Variants in CADPS2 observed in about 807,000 individuals in gnomAD.
CADPS2 encodes calcium-dependent secretion activator 2.
CADPS2 carries 93 observed loss-of-function variants against 172.5 expected under a neutral mutation model. The ratio of observed to expected loss-of-function variants is 0.54; its 90% CI spans 0.46 to 0.64. The LOEUF (loss-of-function observed/expected upper bound fraction) is 0.64, where lower values mean the gene tolerates loss of function less well. Ranked by LOEUF, CADPS2 falls within the 30% of genes least tolerant of loss-of-function variation. The probability of loss-of-function intolerance (pLI) is 0.00; values close to 1 mark genes in which losing one functional copy is unlikely to be tolerated. For missense variants in CADPS2, 1,420 were observed against 1,565.9 expected (o/e 0.91, Z 1.57); for synonymous variants, 546 against 555.2 (o/e 0.98, Z 0.23).
At chr7:122,447,623 G>T (rs576829750) in intron 15 of CADPS2, among the ~76,000 whole-genome samples, 1 of 137,064 alleles carries the variant, frequency 7.3e-6, no homozygotes, top group South Asian at 2.4e-4. Flanking sequence ...AGGCGATCTC[G>T]GCTCACTGCA....
In CADPS2 at chr7:122,785,164, T is replaced by C. The variant is rs567263072; in HGVS notation, c.340-48096A>G. On this transcript the variant is annotated intron_variant, in intron 1 of 29. Coordinates refer to ENST00000449022, the MANE Select transcript of CADPS2 (RefSeq NM_017954.11). ...GCTTAAAATGTTGTAGGTGCTACAG[T>C]TGAATCTCCCTAGGTATTATACTTT... Among the ~76,000 whole-genome samples the C allele has an allele frequency of 3.9e-5, 6 of 152,320 alleles. No homozygotes were observed. The East Asian group carries it at 1.2e-3, about 29-fold the overall frequency.
At chr7:122,658,770 A>T (rs2080141981) in intron 3 of CADPS2, among the ~76,000 whole-genome samples, 1 of 152,174 alleles carries the variant, frequency 6.6e-6, no homozygotes, top group African/African-American at 2.4e-5. Flanking sequence ...GCATTAGGAG[A>T]TATACCTAAT....
At chr7:122,859,830 AT>A (rs1816441548) in intron 1 of CADPS2, among the ~76,000 whole-genome samples, 1 of 152,034 alleles carries the variant, frequency 6.6e-6, no homozygotes, top group South Asian at 2.1e-4. Context: ...TTTATTTGTA[AT>A]TTTATTTGTA....
intron 8 of CADPS2, among the ~76,000 whole-genome samples, chr7:122,527,011 T>C (rs927446886): frequency 6.6e-5 from 10 of 152,154 alleles, no homozygotes; most frequent in Non-Finnish European, 1.0e-4. Context: ...AATAAAACTA[T>C]AATAAAGGAA....
At chr7:122,803,610 T>C (rs1798115728) in intron 1 of CADPS2, among the ~76,000 whole-genome samples, 1 of 152,200 alleles carries the variant, frequency 6.6e-6, no homozygotes, top group African/African-American at 2.4e-5. Context: ...CCTCTGATCA[T>C]TGGTCTCTTC....
chr7:122,607,645 T>C (rs1038727890), intron 6 of CADPS2, among the ~76,000 whole-genome samples: 13 of 152,164 alleles, frequency 8.5e-5, no homozygotes, highest in African/African-American at 2.9e-4. Flanking sequence ...AAATCCATCA[T>C]ATTTTCTTAT....
chr7:122,574,127 G>GT (rs1171755360), intron 7 of CADPS2, among the ~76,000 whole-genome samples: 5 of 151,944 alleles, frequency 3.3e-5, no homozygotes, highest in African/African-American at 7.2e-5. Context: ...TTGAGAAGCA[G>GT]TAAACTCATG....
At chr7:122,362,940 C>T (rs1297099321) in intron 25 of CADPS2, among the ~76,000 whole-genome samples, 1 of 152,134 alleles carries the variant, frequency 6.6e-6, no homozygotes, top group African/African-American at 2.4e-5. Context: ...AGAAACAAAA[C>T]CATGCAGACT....
chr7:122,447,580 G>A (rs187348986), intron 15 of CADPS2, among the ~76,000 whole-genome samples: 90 of 89,460 alleles, frequency 1.0e-3, no homozygotes, highest in African/African-American at 3.4e-3. Flanking sequence ...TTGAGACACA[G>A]TGTCACTCCA....
At chr7:122,343,744 ATCAACTCAATT>A (rs147366485) in intron 28 of CADPS2, among the ~76,000 whole-genome samples, 4,587 of 152,330 alleles carry the variant, frequency 0.03, 245 homozygotes, top group African/African-American at 0.11. Flanking sequence ...TGGGAATAAC[ATCAACTCAATT>A]TCCCTCTTCT....
rs925441960 is a variant in CADPS2 at position 122,318,650 on chromosome 7, T to G, written c.*1515A>C. 1 of 152,140 alleles carries G rather than the reference T, an allele frequency of 6.6e-6. No individual in the cohort carries two copies. The highest frequency in any genetic ancestry group is 1.5e-5 in the Non-Finnish European group (1 of 68,020). 9.4% of individuals were successfully genotyped at this position (152,140 alleles called of 1,614,324 possible). A position where few individuals can be genotyped will look rare whatever the true frequency, so the allele number is the denominator to read the frequency against. ...CTGCCTTTCAAAGATAGTGAGTTGG[T>G]AGAGTTAGTCTTTAATCCCGGAAGA... On this transcript the variant is annotated 3_prime_UTR_variant, in exon 30 of 30. Transcript: ENST00000449022.
intron 2 of CADPS2, among the ~76,000 whole-genome samples, chr7:122,669,928 G>A (rs1379935984): frequency 2.6e-5 from 4 of 151,614 alleles, no homozygotes; most frequent in Admixed American, 2.6e-4. Flanking sequence ...CCATCCTCGA[G>A]AGGCCTGGAA....
At chr7:122,714,762 C>T (rs1307503324) in intron 2 of CADPS2, among the ~76,000 whole-genome samples, 1 of 152,128 alleles carries the variant, frequency 6.6e-6, no homozygotes, top group Non-Finnish European at 1.5e-5. Flanking sequence ...AAGTGTATTA[C>T]TTATAATTTG....
chr7:122,648,124 T>C (rs2078757771), intron 3 of CADPS2, among the ~76,000 whole-genome samples: 1 of 152,038 alleles, frequency 6.6e-6, no homozygotes, highest in Admixed American at 6.6e-5. Context: ...GAGATTAGCT[T>C]TCTCCTCCTT....
At chr7:122,773,979 T>C (rs773711748) in intron 1 of CADPS2, among the ~76,000 whole-genome samples, 1 of 152,038 alleles carries the variant, frequency 6.6e-6, no homozygotes, top group Non-Finnish European at 1.5e-5. Flanking sequence ...ATAAACTTTA[T>C]ATATTATAGG....
chr7:122,445,165 T>G (rs2051986258), intron 15 of CADPS2, among the ~76,000 whole-genome samples: 1 of 152,216 alleles, frequency 6.6e-6, no homozygotes, highest in South Asian at 2.1e-4. Context: ...TTGTCCTTTT[T>G]AAAAGTTATT....
chr7:122,530,775 T>C lies in CADPS2; in HGVS notation c.1476-17460A>G, dbSNP rs138140176. 2.9e-3 allele frequency among the ~76,000 whole-genome samples: 442 copies of C among 152,302 alleles called. 2 individuals are homozygous for C. The highest frequency in any genetic ancestry group is 0.01 in the African/African-American group (422 of 41,578). ...AGCATTCTATTTAATTTTGAAGCAA[T>C]GGCTTCCAGCTACCATATATATAAA... is the stretch of plus-strand genomic sequence containing the variant. On this transcript the variant is annotated intron_variant, in intron 8 of 29. Coordinates refer to ENST00000449022, the MANE Select transcript of CADPS2 (RefSeq NM_017954.11).
At chr7:122,395,514 A>T (rs1044100434) in intron 20 of CADPS2, 1 of 152,202 alleles carries the variant, frequency 6.6e-6, no homozygotes, top group African/African-American at 2.4e-5. Context: ...TCAATCATCG[A>T]GCTAGAAGGT....
chr7:122,343,783 A>G (rs2037145193), intron 28 of CADPS2, among the ~76,000 whole-genome samples: 1 of 152,202 alleles, frequency 6.6e-6, no homozygotes, highest in South Asian at 2.1e-4. Context: ...AGTTTTGAAA[A>G]TCACCACATT....
Sources: gnomAD v4.1 joint callset for allele counts (sites outside exome capture counted in the v4.1 genomes callset) on GRCh38, gnomAD v4.1.1 for gene constraint, MANE v1.5 for transcripts, NCBI Gene and HGNC (gene_info 2026-07-23, HGNC 2026-07-21) for gene names.